Variants in ACACB observed in about 807,000 individuals in gnomAD.
ACACB encodes acetyl-CoA carboxylase beta.
Under a neutral mutation model 278.8 loss-of-function variants are expected in ACACB, and 209 were observed. The ratio of observed to expected loss-of-function variants is 0.75; its 90% CI spans 0.67 to 0.84. The LOEUF is 0.84. Among genes scored for constraint, ACACB ranks in the 40% least tolerant of loss-of-function variants. The pLI is 0.00. For synonymous variants in ACACB, 1,174 were observed against 1,285.6 expected (o/e 0.91, Z 1.86); for missense variants, 2,850 against 3,269.0 (o/e 0.87, Z 3.13).
chr12:109,187,343 A>C (rs1201811682), intron 12 of ACACB, among the ~76,000 whole-genome samples: 1 of 152,158 alleles, frequency 6.6e-6, no homozygotes, highest in Non-Finnish European at 1.5e-5. Flanking sequence ...AAGCATATAA[A>C]GTCAGAATGT....
At chr12:109,144,568 C>A (rs374116241) in intron 2 of ACACB, among the ~76,000 whole-genome samples, 1 of 151,922 alleles carries the variant, frequency 6.6e-6, no homozygotes, top group Non-Finnish European at 1.5e-5. Context: ...ATTTAAAACT[C>A]GAATTGGCTT....
At chr12:109,172,967 C>T (rs761852476) in intron 6 of ACACB, among the ~76,000 whole-genome samples, 4 of 152,164 alleles carry the variant, frequency 2.6e-5, no homozygotes, top group Non-Finnish European at 4.4e-5. Context: ...TACATATACA[C>T]CATGGAATAC....
chr12:109,115,189 T>C (rs1337344967), upstream of ACACB, among the ~76,000 whole-genome samples: 6 of 152,154 alleles, frequency 3.9e-5, no homozygotes, highest in Admixed American at 3.9e-4. Flanking sequence ...AATCATTTCA[T>C]TTTCTCACCC....
chr12:109,113,105 A>G (rs1593333199), upstream of ACACB: 1 of 152,156 alleles, frequency 6.6e-6, no homozygotes. Context: ...CTTGGGAGCT[A>G]TTGGAAAACA....
At chr12:109,182,668 C>T (rs1186512106) in intron 11 of ACACB, among the ~76,000 whole-genome samples, 1 of 152,190 alleles carries the variant, frequency 6.6e-6, no homozygotes. Context: ...CCATGCTCAT[C>T]CTTGAGCTTC....
At chr12:109,192,952 A>G (rs2044947716) in intron 15 of ACACB, among the ~76,000 whole-genome samples, 1 of 152,194 alleles carries the variant, frequency 6.6e-6, no homozygotes, top group African/African-American at 2.4e-5. Context: ...GGCGTGAGCC[A>G]CTGTGCCTGG....
At chr12:109,158,105 A>C (rs372493017) in intron 2 of ACACB, among the ~76,000 whole-genome samples, 2 of 152,100 alleles carry the variant, frequency 1.3e-5, no homozygotes, top group South Asian at 4.1e-4. Flanking sequence ...AGAATCTTAT[A>C]AAGTTTTTCA....
At position 109,199,505 on chromosome 12, in the gene ACACB, G is replaced by C. The variant is rs779492116; in HGVS notation, c.2731G>C (p.Glu911Gln). ...TGGGAAGCTGACACAGTACACAGTGGAGGATGGGGGCCACGTTGAGGCTGG... is the reference window on the plus strand; with the variant it reads ...TGGGAAGCTGACACAGTACACAGTGCAGGATGGGGGCCACGTTGAGGCTGG... ...SAGKLTQYTV[E>Q]DGGHVEAGSS... The change falls in exon 18 of 53, where the codon GAG becomes CAG. Residue 911 changes from glutamate (E) to glutamine (Q), a missense_variant. Physicochemically the swap from Glu to Gln is conservative, Grantham distance 29. This residue lies in a region of ACACB where 2,265 missense variants were observed against 2,561.3 expected (regional missense o/e 0.88). Coordinates refer to ENST00000338432, the MANE Select transcript of ACACB (RefSeq NM_001093.4). 3 of 1,542,932 alleles carry C rather than the reference G, an allele frequency of 1.9e-6. No homozygotes were observed. The South Asian group carries it at 3.7e-5, about 19-fold the overall frequency.
intron 24 of ACACB, among the ~76,000 whole-genome samples, chr12:109,220,685 G>C (rs994363897): frequency 6.6e-6 from 1 of 152,042 alleles, no homozygotes; most frequent in African/African-American, 2.4e-5. Context: ...CCGAGTAGCT[G>C]GGACTACAGG....
At chr12:109,113,906 T>C (rs537737686), upstream of ACACB, among the ~76,000 whole-genome samples, 1 of 152,388 alleles carries the variant, frequency 6.6e-6, no homozygotes, top group East Asian at 1.9e-4. Context: ...CCTCCTTGTT[T>C]AGAGTCCTTC....
At chr12:109,163,073 G>A (rs984389460) in intron 2 of ACACB, among the ~76,000 whole-genome samples, 6 of 152,028 alleles carry the variant, frequency 3.9e-5, no homozygotes, top group African/African-American at 1.2e-4. Flanking sequence ...ACAGGTGCAC[G>A]CCACCAAGCC....
At chr12:109,121,631 C>T (rs2042551332) in intron 1 of ACACB, among the ~76,000 whole-genome samples, 1 of 152,184 alleles carries the variant, frequency 6.6e-6, no homozygotes. Flanking sequence ...AACAGCCGTG[C>T]AGATGCCTGT....
At chr12:109,117,056 T>TTTC (rs1370600974) in intron 1 of ACACB, among the ~76,000 whole-genome samples, 2 of 148,898 alleles carry the variant, frequency 1.3e-5, no homozygotes, top group African/African-American at 2.5e-5. Context: ...TCTTTTTTTT[T>TTTC]TTTTTTTTTT....
At chr12:109,135,720 T>C (rs186951589) in intron 1 of ACACB, among the ~76,000 whole-genome samples, 119 of 152,104 alleles carry the variant, frequency 7.8e-4, no homozygotes, top group African/African-American at 2.5e-3. Flanking sequence ...AATGATTGTA[T>C]GTGGTATGAA....
In ACACB at chr12:109,130,414, G is replaced by A. The variant is rs73415113; in HGVS notation, c.-9-8983G>A. ...TTCCAGGGGACCAAACAAGGTGCCC[G>A]GTGACAGTTGACTTTGGCCGCCAAT... On this transcript the variant is annotated intron_variant, in intron 1 of 52. Coordinates refer to ENST00000338432, the MANE Select transcript of ACACB (RefSeq NM_001093.4). Among the ~76,000 whole-genome samples the A allele has an allele frequency of 3.1e-3, 471 of 152,298 alleles. 1 individual carries two copies. Among genetic ancestry groups the A allele is most frequent in the African/African-American group, 0.01 (427 of 41,554 alleles).
In ACACB at chr12:109,237,285, T is replaced by C; in HGVS notation, c.4567T>C (p.Tyr1523His). The C allele has an allele frequency of 6.2e-7, 1 of 1,614,216 alleles. No individual in the cohort carries two copies. Among genetic ancestry groups the C allele is most frequent in the Non-Finnish European group, 8.5e-7 (1 of 1,180,024 alleles). The change falls in exon 34 of 53, where the codon TAC (tyrosine) becomes CAC (histidine). Residue 1523 changes from tyrosine to histidine, a missense_variant. This residue lies in a region of ACACB where 2,265 missense variants were observed against 2,561.3 expected (regional missense o/e 0.88). Coordinates refer to ENST00000338432, the MANE Select transcript of ACACB (RefSeq NM_001093.4). ...CTGTGCCAACCACAAGATGCACCTTTACCTGGGTGCTGCCAAGGTGAAGGA... is the reference window on the plus strand; with the variant it reads ...CTGTGCCAACCACAAGATGCACCTTCACCTGGGTGCTGCCAAGGTGAAGGA... ...VPCANHKMHL[Y>H]LGAAKVKEGV... is the part of the protein sequence containing the mutation.
rs370979392 is a variant in ACACB, at chr12:109,237,179, C to T, written c.4461C>T (p.Arg1487=). The change falls in exon 34 of 53, where the codon CGC becomes CGT. Residue 1487 remains arginine (R), a synonymous_variant. Transcript: ENST00000338432. ...TCCGCCTACAGTTTGCAGAAGATCGCATTTACCGTCACTTGGAACCTGCCC... is the reference window on the plus strand; with the variant it reads ...TCCGCCTACAGTTTGCAGAAGATCGTATTTACCGTCACTTGGAACCTGCCC... ...FRARDEFAED[R]IYRHLEPALA... 8 of 1,614,030 alleles carry T rather than the reference C, an allele frequency of 5.0e-6. No homozygotes were observed. The highest frequency in any genetic ancestry group is 6.8e-6 in the Non-Finnish European group (8 of 1,180,038).
chr12:109,165,077 C>T (rs943647381), intron 2 of ACACB, among the ~76,000 whole-genome samples: 40 of 152,110 alleles, frequency 2.6e-4, no homozygotes, highest in Non-Finnish European at 5.3e-4. Flanking sequence ...TTGTCATGCG[C>T]CTTGCCATTC....
intron 21 of ACACB, 57 bp downstream of exon 21, chr12:109,209,410 C>T: frequency 6.5e-7 from 1 of 1,532,688 alleles, no homozygotes. Flanking sequence ...GGGCCGGCTC[C>T]CGGTCTGGCT....
Sources: allele counts gnomAD v4.1 joint callset (sites outside exome capture counted in the v4.1 genomes callset), GRCh38; gene constraint gnomAD v4.1.1; regional missense constraint gnomAD v4.1.1; transcripts MANE v1.5; gene names NCBI Gene and HGNC (gene_info 2026-07-23, HGNC 2026-07-21).